DCDC1: variants seen among roughly 807,000 people sequenced by gnomAD.
The protein encoded by DCDC1 is doublecortin domain-containing protein 1.
In DCDC1, 200 loss-of-function variants were observed where a neutral mutation model predicts 178.3. The observed-to-expected ratio is 1.12, with a 90% CI of 1.00 to 1.26. The LOEUF is 1.26. Among genes scored for constraint, DCDC1 ranks in the 50% most tolerant of loss-of-function variants. The pLI, the probability that DCDC1 is intolerant of heterozygous loss-of-function variation, is 0.00. For missense variants in DCDC1, 1,983 were observed against 1,749.2 expected, an observed-to-expected ratio of 1.13 and a Z score of -2.38; for synonymous variants, 690 against 604.8, an observed-to-expected ratio of 1.14 and a Z score of -2.07.
intron 32 of DCDC1, among the ~76,000 whole-genome samples, chr11:30,901,812 G>T (rs1944691787): frequency 6.6e-6 from 1 of 151,974 alleles, no homozygotes; most frequent in African/African-American, 2.4e-5. Context: ...CAATCAGCTA[G>T]GCATTAAATG....
chr11:30,879,135 T>G lies in DCDC1; in HGVS notation c.5234-424A>C, dbSNP rs73463199. On this transcript the variant is annotated intron_variant, in intron 37 of 38. Transcript: ENST00000684477. ...GTTTTGCAAAATCCAATTGATTTTT[T>G]AAAAAACCCGAAGTGATTCTTTGAT... Among the ~76,000 whole-genome samples, 7 of 152,272 alleles carry G rather than the reference T, an allele frequency of 4.6e-5. No homozygotes were observed. The East Asian group carries it at 1.3e-3, about 29-fold the overall frequency.
At chr11:31,246,753 A>G (rs1306886579) in intron 8 of DCDC1, among the ~76,000 whole-genome samples, 2 of 152,076 alleles carry the variant, frequency 1.3e-5, no homozygotes, top group African/African-American at 4.8e-5. Flanking sequence ...TGCTTGATTT[A>G]TATCAGTGTA....
chr11:31,142,807 A>G (rs1963989335), intron 9 of DCDC1, among the ~76,000 whole-genome samples: 1 of 152,132 alleles, frequency 6.6e-6, no homozygotes, highest in South Asian at 2.1e-4. Flanking sequence ...TTCCAGGTTT[A>G]TAATTAAGCT....
At chr11:31,034,076 G>A (rs762663006) in intron 20 of DCDC1, among the ~76,000 whole-genome samples, 15 of 150,704 alleles carry the variant, frequency 1.0e-4, no homozygotes, top group African/African-American at 2.2e-4. Context: ...CCCAGGAGGC[G>A]GAGGTTGCAG....
intron 18 of DCDC1, among the ~76,000 whole-genome samples, chr11:31,075,842 T>C (rs1956831933): frequency 6.6e-6 from 1 of 152,200 alleles, no homozygotes; most frequent in African/African-American, 2.4e-5. Flanking sequence ...CCACCATGCC[T>C]GGCCCATTCA....
intron 25 of DCDC1, among the ~76,000 whole-genome samples, chr11:30,919,818 T>G (rs1946121104): frequency 6.6e-6 from 1 of 152,194 alleles, no homozygotes; most frequent in Admixed American, 6.5e-5. Flanking sequence ...GGCCAGGTAT[T>G]TTTGGTTTTA....
At chr11:31,196,695 T>C (rs1006510474) in intron 9 of DCDC1, among the ~76,000 whole-genome samples, 1 of 152,082 alleles carries the variant, frequency 6.6e-6, no homozygotes, top group African/African-American at 2.4e-5. Flanking sequence ...CCTTGATGTG[T>C]TCACCAACCC....
chr11:31,310,308 ATTTTTTTTTTTTT>A, intron 3 of DCDC1, among the ~76,000 whole-genome samples: 1 of 53,882 alleles, frequency 1.9e-5, no homozygotes, highest in South Asian at 9.6e-4. Flanking sequence ...GTAATTCTTG[ATTTTTTTTTTTTT>A]TTTTTTTTTT....
At chr11:31,180,418 C>T (rs549765855) in intron 9 of DCDC1, among the ~76,000 whole-genome samples, 4 of 152,144 alleles carry the variant, frequency 2.6e-5, no homozygotes, top group South Asian at 2.1e-4. Context: ...GCAAGATGGC[C>T]GAATAGGAAC....
intron 20 of DCDC1, among the ~76,000 whole-genome samples, chr11:31,002,524 G>C (rs1193187990): frequency 6.6e-6 from 1 of 152,104 alleles, no homozygotes; most frequent in Non-Finnish European, 1.5e-5. Flanking sequence ...GATGATTCTC[G>C]AAGGGGCAGA....
At chr11:30,888,082 G>GAAAGAAAGAAAGAAAGAAAAAGAAAA (rs35914489) in intron 36 of DCDC1, among the ~76,000 whole-genome samples, 3 of 96,346 alleles carry the variant, frequency 3.1e-5, no homozygotes, top group Admixed American at 1.2e-4. Context: ...GAGAGAGAGA[G>GAAAGAAAGAAAGAAAGAAAAAGAAAA]AGAAAGAAAG....
At chr11:31,112,945 TGCTGG>T (rs1959215148) in intron 11 of DCDC1, among the ~76,000 whole-genome samples, 1 of 152,132 alleles carries the variant, frequency 6.6e-6, no homozygotes, top group Non-Finnish European at 1.5e-5. Context: ...GTTTACCCTG[TGCTGG>T]ACTAGAGGGA....
intron 8 of DCDC1, among the ~76,000 whole-genome samples, chr11:31,256,122 C>T (rs1176577360): frequency 6.6e-6 from 1 of 152,174 alleles, no homozygotes; most frequent in East Asian, 1.9e-4. Flanking sequence ...TGTCAAAAGT[C>T]AATTGGCCAC....
chr11:31,225,581 T>C (rs1591471729), intron 9 of DCDC1, among the ~76,000 whole-genome samples: 2 of 150,556 alleles, frequency 1.3e-5, no homozygotes, highest in East Asian at 1.9e-4. Flanking sequence ...TATATACATA[T>C]GCATACATGC....
At chr11:31,266,337 A>C (rs1401681288) in intron 7 of DCDC1, among the ~76,000 whole-genome samples, 2 of 152,144 alleles carry the variant, frequency 1.3e-5, no homozygotes, top group African/African-American at 4.8e-5. Flanking sequence ...TATCTTTCCA[A>C]CTTCAAGGAA....
chr11:31,061,811 C>G (rs1955935768), intron 20 of DCDC1, among the ~76,000 whole-genome samples: 1 of 152,126 alleles, frequency 6.6e-6, no homozygotes, highest in African/African-American at 2.4e-5. Flanking sequence ...TTACTACTTT[C>G]CTGGAAACTT....
intron 18 of DCDC1, among the ~76,000 whole-genome samples, chr11:31,069,448 G>A (rs1480357707): frequency 1.3e-5 from 2 of 152,172 alleles, no homozygotes; most frequent in African/African-American, 2.4e-5. Context: ...AAAAGAATGT[G>A]ATGGGTAATG....
intron 9 of DCDC1, among the ~76,000 whole-genome samples, chr11:31,185,107 C>G (rs1045098919): frequency 2.0e-5 from 3 of 152,140 alleles, no homozygotes; most frequent in Non-Finnish European, 4.4e-5. Flanking sequence ...ATGTCCTTTG[C>G]AGGGACATGG....
At chr11:31,082,112 C>T (rs1957212568) in intron 17 of DCDC1, among the ~76,000 whole-genome samples, 1 of 152,026 alleles carries the variant, frequency 6.6e-6, no homozygotes, top group Non-Finnish European at 1.5e-5. Flanking sequence ...CAAAAAATAA[C>T]AACGACATCA....
Sources: allele counts gnomAD v4.1 joint callset (sites outside exome capture counted in the v4.1 genomes callset), GRCh38; gene constraint gnomAD v4.1.1; transcripts MANE v1.5; gene names NCBI Gene and HGNC (gene_info 2026-07-23, HGNC 2026-07-21).